Variants in GFRA2 observed in about 807,000 individuals in gnomAD.
The protein encoded by GFRA2 is GDNF family receptor alpha-2.
A neutral mutation model predicts 48.3 loss-of-function variants in GFRA2; 17 were observed. The ratio of observed to expected loss-of-function variants is 0.35; its 90% CI spans 0.24 to 0.53. The LOEUF (loss-of-function observed/expected upper bound fraction) is 0.53. Ranked by LOEUF, GFRA2 falls within the 20% of genes least tolerant of loss-of-function variation. The pLI, the probability that GFRA2 is intolerant of heterozygous loss-of-function variation, is 0.93. For missense variants in GFRA2, 660 were observed against 637.3 expected, an observed-to-expected ratio of 1.04 and a Z score of -0.38; for synonymous variants, 305 against 257.2, an observed-to-expected ratio of 1.19 and a Z score of -1.78.
chr8:21,712,892 A>G lies in GFRA2; in HGVS notation c.795-6851T>C, dbSNP rs1467719149. ...CGTGGCGGTGCACGCCTGCAATCGC[A>G]GGCACTCGGCAGGCTGAGGCAGGAG... On this transcript the variant is annotated intron_variant, in intron 4 of 8. Coordinates refer to ENST00000524240, the MANE Select transcript of GFRA2 (RefSeq NM_001495.5). Among the ~76,000 whole-genome samples the G allele has an allele frequency of 2.0e-5, 3 of 152,102 alleles. No homozygotes were observed. In the East Asian group the frequency reaches 5.8e-4, roughly 29 times the overall value.
chr8:21,769,533 G>T (rs1249231290), intron 3 of GFRA2, among the ~76,000 whole-genome samples: 1 of 152,136 alleles, frequency 6.6e-6, no homozygotes, highest in Admixed American at 6.5e-5. Context: ...GGTTCAGGGG[G>T]TCTAGTGACC....
intron 7 of GFRA2, among the ~76,000 whole-genome samples, chr8:21,701,234 A>G (rs2117348395): frequency 6.6e-6 from 1 of 152,322 alleles, no homozygotes; most frequent in South Asian, 2.1e-4. Flanking sequence ...CTCTACTAAA[A>G]ATAAAAAATA....
At chr8:21,790,530 G>A (rs1311159510), upstream of GFRA2, among the ~76,000 whole-genome samples, 3 of 152,238 alleles carry the variant, frequency 2.0e-5, no homozygotes, top group African/African-American at 7.2e-5. Flanking sequence ...TGAGGATTTA[G>A]GCGGGAAGGC....
At chr8:21,721,829 A>G (rs2117448574) in intron 4 of GFRA2, among the ~76,000 whole-genome samples, 1 of 152,268 alleles carries the variant, frequency 6.6e-6, no homozygotes, top group Non-Finnish European at 1.5e-5. Flanking sequence ...AGGACCAGGC[A>G]TGGCTGGGTT....
intron 7 of GFRA2, among the ~76,000 whole-genome samples, chr8:21,698,730 T>A (rs1802329951): frequency 6.6e-6 from 1 of 151,434 alleles, no homozygotes; most frequent in African/African-American, 2.4e-5. Context: ...TAACACTTCA[T>A]TTGTAAAACC....
At chr8:21,811,246 G>A (rs1169004661) in intron 1 of GFRA2, among the ~76,000 whole-genome samples, 3 of 152,154 alleles carry the variant, frequency 2.0e-5, no homozygotes, top group Admixed American at 6.5e-5. Context: ...AGCAGGAATC[G>A]GCCTCCCGGT....
In GFRA2 at chr8:21,788,341, G is replaced by A. The variant is rs1166444595; in HGVS notation, c.-182C>T. The A allele has an allele frequency of 2.2e-6, 3 of 1,365,912 alleles. No individual in the cohort carries two copies. Among genetic ancestry groups the A allele is most frequent in the Non-Finnish European group, 2.8e-6 (3 of 1,063,510 alleles). 84.6% of individuals were successfully genotyped at this position (1,365,912 alleles called of 1,614,324 possible). The stretch of plus-strand genomic sequence containing the variant: ...CGATTCTCGCCTCTGGCTGGAGGGG[G>A]TGGGGTGAGAGGCGGGCGATGGGCT... On this transcript the variant is annotated 5_prime_UTR_variant, in exon 1 of 9. Transcript: ENST00000524240.
In GFRA2 at chr8:21,691,901, A is replaced by C. The variant is rs768191076; in HGVS notation, c.*1377T>G. 6.5e-6 allele frequency: 1 copy of C among 152,686 alleles called. No homozygotes were observed. Among genetic ancestry groups the C allele is most frequent in the Non-Finnish European group, 1.5e-5 (1 of 68,152 alleles). The allele number at this position is 152,686 out of a possible 1,614,324, so 9.5% of individuals were successfully genotyped here. A position where few individuals can be genotyped will look rare whatever the true frequency, so the allele number is the denominator to read the frequency against. On this transcript the variant is annotated 3_prime_UTR_variant, in exon 9 of 9. Transcript: ENST00000524240. ...GACACATGGATGCACACACATGCAC[A>C]CAGGCACACACACGGACACACATTT...
chr8:21,791,048 C>G (rs1420799592), upstream of GFRA2, among the ~76,000 whole-genome samples: 2 of 152,132 alleles, frequency 1.3e-5, no homozygotes, highest in African/African-American at 2.4e-5. Flanking sequence ...GCAGGCCTTC[C>G]CCCTTCCAAG....
chr8:21,718,629 C>T (rs566473717), intron 4 of GFRA2, among the ~76,000 whole-genome samples: 2 of 152,292 alleles, frequency 1.3e-5, no homozygotes, highest in African/African-American at 4.8e-5. Flanking sequence ...CCCTTCAAGC[C>T]AAAGGGCCAT....
At chr8:21,772,002 G>T (rs1806460274) in intron 3 of GFRA2, among the ~76,000 whole-genome samples, 1 of 152,174 alleles carries the variant, frequency 6.6e-6, no homozygotes, top group East Asian at 1.9e-4. Context: ...CGACACACAG[G>T]TGGGGGATAC....
intron 2 of GFRA2, among the ~76,000 whole-genome samples, chr8:21,801,046 C>A (rs2117113583): frequency 6.6e-6 from 1 of 152,140 alleles, no homozygotes; most frequent in South Asian, 2.1e-4. Flanking sequence ...CCTATTGTGC[C>A]AAGAAAAACA....
chr8:21,725,524 T>C (rs894752252), intron 4 of GFRA2, among the ~76,000 whole-genome samples: 1 of 152,246 alleles, frequency 6.6e-6, no homozygotes, highest in Non-Finnish European at 1.5e-5. Flanking sequence ...TTCCTTTTAG[T>C]CTTGCCTTTA....
chr8:21,752,787 A>G (rs1457305038), intron 3 of GFRA2, among the ~76,000 whole-genome samples: 1 of 152,136 alleles, frequency 6.6e-6, no homozygotes, highest in Non-Finnish European at 1.5e-5. Flanking sequence ...ACCCTGCTGG[A>G]AACAACTGCA....
At chr8:21,758,264 A>G (rs1805685270) in intron 3 of GFRA2, among the ~76,000 whole-genome samples, 1 of 152,054 alleles carries the variant, frequency 6.6e-6, no homozygotes. Flanking sequence ...CCTGCCCTTC[A>G]CAGACGGTGG....
rs565019003 is a variant in GFRA2 at position 21,703,048 on chromosome 8, C to T, written c.1046-71G>A. ...CCGTCACTCCTGTCCCTGCTCCTCACACTCTTCACCCTGACCACCCCCTTC... is the reference window on the plus strand; with the variant it reads ...CCGTCACTCCTGTCCCTGCTCCTCATACTCTTCACCCTGACCACCCCCTTC... On this transcript the variant is annotated intron_variant, in intron 6 of 8. Transcript: ENST00000524240. 9.3e-6 allele frequency: 9 copies of T among 972,014 alleles called. No individual in the cohort carries two copies. The East Asian group carries it at 1.2e-4, about 13-fold the overall frequency. 60.2% of individuals were successfully genotyped at this position (972,014 alleles called of 1,614,324 possible).
At chr8:21,764,138 A>G (rs994333858) in intron 3 of GFRA2, among the ~76,000 whole-genome samples, 7 of 152,182 alleles carry the variant, frequency 4.6e-5, no homozygotes, top group African/African-American at 1.7e-4. Context: ...TATAACAAAT[A>G]CCACAGACTG....
chr8:21,794,233 CTTTT>C (rs1159236794), intron 2 of GFRA2, among the ~76,000 whole-genome samples: 1 of 66,992 alleles, frequency 1.5e-5, no homozygotes, highest in African/African-American at 6.0e-5. Context: ...CTGAGAGTGA[CTTTT>C]TTTTTTTTTT....
At chr8:21,795,892 G>A (rs1300308292) in intron 2 of GFRA2, among the ~76,000 whole-genome samples, 2 of 152,276 alleles carry the variant, frequency 1.3e-5, no homozygotes, top group African/African-American at 4.8e-5. Flanking sequence ...GGCTCATGGA[G>A]GGCAAGGAAA....
Sources: allele counts gnomAD v4.1 joint callset (sites outside exome capture counted in the v4.1 genomes callset), GRCh38; gene constraint gnomAD v4.1.1; transcripts MANE v1.5; gene names NCBI Gene and HGNC (gene_info 2026-07-23, HGNC 2026-07-21).